FAM50A: variants seen among roughly 807,000 people sequenced by gnomAD.
The protein encoded by FAM50A is protein FAM50A.
FAM50A carries 6 observed loss-of-function variants against 35.5 expected under a neutral mutation model. The ratio of observed to expected loss-of-function variants is 0.17; its 90% CI spans 0.09 to 0.33. FAM50A has a LOEUF of 0.33. Ranked by LOEUF, FAM50A falls within the 10% of genes least tolerant of loss-of-function variation. FAM50A has a pLI of 1.00. For missense variants in FAM50A, 145 were observed against 295.5 expected, an observed-to-expected ratio of 0.49 and a Z score of 3.73; for synonymous variants, 120 against 110.9, an observed-to-expected ratio of 1.08 and a Z score of -0.52.
In FAM50A at chrX:154,449,915, G is replaced by A. The variant is rs2068798286; in HGVS notation, c.813G>A (p.Lys271=). Residue 271 remains lysine, a synonymous_variant, in exon 10 of 13, where the codon AAG becomes AAA. Coordinates refer to ENST00000393600, the MANE Select transcript of FAM50A (RefSeq NM_004699.4). ...HHSFYDFIVT[K]ARGKSGPLFN... is the part of the protein sequence containing the mutation. ...GCTTCTACGACTTCATCGTCACCAA[G>A]GCACGGGGGAAGAGTGGTGAGTGCC... 2 of 1,211,607 alleles carry A rather than the reference G, an allele frequency of 1.7e-6. No individual in the cohort carries two copies. Among genetic ancestry groups the A allele is most frequent in the East Asian group, 5.9e-5 (2 of 33,843 alleles).
chrX:154,444,577 G>A (rs1164131002), intron 1 of FAM50A: 4 of 198,896 alleles, frequency 2.0e-5, no homozygotes, highest in African/African-American at 8.9e-5. Context: ...GCCACTAGCT[G>A]ATGACCGGCC....
In FAM50A at chrX:154,450,450, C is replaced by T. The variant is rs781879994; in HGVS notation, c.*18C>T. On this transcript the variant is annotated 3_prime_UTR_variant, in exon 13 of 13. Coordinates refer to ENST00000393600, the MANE Select transcript of FAM50A (RefSeq NM_004699.4). ...TCCGCTGAGCATCCAGGAGGCTGCG[C>T]GGCCCCGGCTCCTCAGCTCCCTCAG... 1.9e-5 allele frequency: 23 copies of T among 1,206,175 alleles called. No individual in the cohort carries two copies. Among genetic ancestry groups the T allele is most frequent in the South Asian group, 3.5e-5 (2 of 56,607 alleles).
At chrX:154,444,879 C>G (rs1378934258) in intron 1 of FAM50A, 1 of 112,601 alleles carries the variant, frequency 8.9e-6, no homozygotes, top group Admixed American at 9.3e-5. Flanking sequence ...GCACGACCCT[C>G]CCGGGTGCCA....
At chrX:154,448,833 G>T (rs948049024) in intron 6 of FAM50A, 60 bp from the exon 7 acceptor site, 1 of 1,189,067 alleles carries the variant, frequency 8.4e-7, no homozygotes, top group African/African-American at 1.8e-5. Flanking sequence ...TGGGTGGTGC[G>T]CTGAGCCCCA....
chrX:154,449,320 C>T (rs782443455), intron 8 of FAM50A, 23 bp downstream of exon 8: 25 of 1,158,388 alleles, frequency 2.2e-5, no homozygotes, highest in African/African-American at 8.8e-5. Context: ...CGTGTGTGCA[C>T]GGTGGTGTGT....
intron 1 of FAM50A, among the ~76,000 whole-genome samples, chrX:154,445,060 A>G (rs2068776842): frequency 9.0e-6 from 1 of 111,001 alleles, no homozygotes; most frequent in African/African-American, 3.3e-5. Context: ...GCCTTGAAAC[A>G]CCAAGTCCTC....
chrX:154,445,575 C>A, intron 1 of FAM50A, 58 bp from the exon 2 acceptor site: 1 of 971,477 alleles, frequency 1.0e-6, no homozygotes. Flanking sequence ...TCCTTGATGG[C>A]CAGCCTGCCA....
intron 4 of FAM50A, among the ~76,000 whole-genome samples, chrX:154,448,072 CTT>C (rs781847663): frequency 9.7e-5 from 8 of 82,817 alleles, no homozygotes; most frequent in Admixed American, 1.3e-4. Flanking sequence ...TTTTTTCTTT[CTT>C]TTTTTTTTTT....
chrX:154,445,992 G>C, intron 3 of FAM50A, 81 bp downstream of exon 3: 1 of 721,166 alleles, frequency 1.4e-6, no homozygotes, highest in Non-Finnish European at 2.1e-6. Context: ...TTTGCACCCT[G>C]GGGGGGACCC....
At chrX:154,449,349 G>A in intron 8 of FAM50A, 52 bp downstream of exon 8, 1 of 1,027,159 alleles carries the variant, frequency 9.7e-7, no homozygotes, top group Non-Finnish European at 1.4e-6. Context: ...TGTGGCTCCA[G>A]CCTGGGTGCC....
chrX:154,450,635 G>A lies in FAM50A; in HGVS notation c.*203G>A, dbSNP rs1056233126. On this transcript the variant is annotated 3_prime_UTR_variant, in exon 13 of 13. Transcript: ENST00000393600. Reference sequence around the variant, plus strand: ...GAAGTGCACGTGTCAGAGCTGGAGCGCCTGCATTGTGAGAAACCATTTGTG... The same window carrying A: ...GAAGTGCACGTGTCAGAGCTGGAGCACCTGCATTGTGAGAAACCATTTGTG... The A allele has an allele frequency of 1.6e-5, 7 of 441,702 alleles. No individual in the cohort carries two copies. The East Asian group carries it at 1.9e-4, about 12-fold the overall frequency. 36.4% of individuals were successfully genotyped at this position (441,702 alleles called of 1,213,427 possible).
At chrX:154,448,369 A>G in intron 4 of FAM50A, 115 bp from the exon 5 acceptor site, 1 of 615,524 alleles carries the variant, frequency 1.6e-6, no homozygotes. Flanking sequence ...TGCCCGCCCT[A>G]GGCTTGTCTT....
chrX:154,449,184 C>A (rs371846671), intron 7 of FAM50A, 37 bp from the exon 8 acceptor site: 1 of 1,158,031 alleles, frequency 8.6e-7, no homozygotes, highest in South Asian at 1.8e-5. Context: ...TGCAGGCTTC[C>A]GCCTTCCCTT....
chrX:154,445,022 G>A (rs1180468396), intron 1 of FAM50A: 1 of 112,653 alleles, frequency 8.9e-6, no homozygotes, highest in Admixed American at 9.3e-5. Context: ...GCTCCTGCCT[G>A]GGGAACTGGG....
At chrX:154,444,495 GCA>G (rs3831486) in intron 1 of FAM50A, 149 bp downstream of exon 1, 33,953 of 248,996 alleles carry the variant, frequency 0.14, 2,167 homozygotes, top group African/African-American at 0.31. Flanking sequence ...TTCCAGCAGG[GCA>G]CACAGAAGCA....
intron 3 of FAM50A, 30 bp from the exon 4 acceptor site, chrX:154,446,385 T>G: frequency 8.4e-7 from 1 of 1,186,813 alleles, no homozygotes; most frequent in Non-Finnish European, 1.1e-6. Flanking sequence ...AAGGACATGA[T>G]GTGTGATGGG....
At chrX:154,447,640 T>G (rs376578828) in intron 4 of FAM50A, among the ~76,000 whole-genome samples, 4 of 111,792 alleles carry the variant, frequency 3.6e-5, no homozygotes. Context: ...TTGTTTTGGT[T>G]GTTGTTGTTT....
chrX:154,448,597 C>T (rs782711690), intron 5 of FAM50A, 37 bp downstream of exon 5: 1 of 1,189,761 alleles, frequency 8.4e-7, no homozygotes, highest in Non-Finnish European at 1.1e-6. Flanking sequence ...GCCTCGACTC[C>T]AGCCCTGGTG....
chrX:154,446,221 T>G, intron 3 of FAM50A, 194 bp from the exon 4 acceptor site: 2 of 462,723 alleles, frequency 4.3e-6, no homozygotes, highest in Non-Finnish European at 7.7e-6. Context: ...CCTCTGTGCT[T>G]GCTGTTTGTA....
Sources: allele counts gnomAD v4.1 joint callset (sites outside exome capture counted in the v4.1 genomes callset), GRCh38; gene constraint gnomAD v4.1.1; transcripts MANE v1.5; gene names NCBI Gene and HGNC (gene_info 2026-07-23, HGNC 2026-07-21).